The following R3HCC1L variants were observed in gnomAD, a reference collection of about 807,000 sequenced individuals.
The protein encoded by R3HCC1L is coiled-coil domain-containing protein R3HCC1L.
In R3HCC1L, 51 loss-of-function variants were observed where a neutral mutation model predicts 59.9. That is an observed-to-expected ratio of 0.85 (90% CI 0.68 to 1.07). The LOEUF is 1.07. R3HCC1L is among the 50% of genes least tolerant of loss of function. The pLI is 0.00. For synonymous variants in R3HCC1L, 322 were observed against 315.2 expected, an observed-to-expected ratio of 1.02 and a Z score of -0.23; for missense variants, 965 against 933.0, an observed-to-expected ratio of 1.03 and a Z score of -0.45.
rs572715175 is a variant in R3HCC1L, at chr10:98,157,476, C to T, written c.-213+1329C>T. On this transcript the variant is annotated intron_variant, in intron 2 of 9. Transcript: ENST00000298999. ...TTTCTTTCACAGAGGAGGAGGGGAT[C>T]TCAGGATCGCTCCTTTCACCCAGTG... Among the ~76,000 whole-genome samples, 63 of 152,352 alleles carry T rather than the reference C, an allele frequency of 4.1e-4. No individual in the cohort carries two copies. The South Asian group carries it at 0.013, about 31-fold the overall frequency.
rs1400378986 is a variant in R3HCC1L, at chr10:98,208,881, T to A, written c.767T>A (p.Ile256Lys). Residue 256 changes from isoleucine (I) to lysine (K), a missense_variant, in exon 5 of 10, where the codon ATA becomes AAA. By Grantham distance (102) the Ile-to-Lys change is moderately radical. Coordinates refer to ENST00000298999, the MANE Select transcript of R3HCC1L (RefSeq NM_001351015.2). The stretch of plus-strand genomic sequence containing the variant: ...CAAAGCATGCAAACATCAGATGGAA[T>A]ATTGAATCCCAGCAGCGGAGGCATC... ...VQQSMQTSDG[I>K]LNPSSGGITT... 1 of 1,614,134 alleles carries A rather than the reference T, an allele frequency of 6.2e-7. No homozygotes were observed. The highest frequency in any genetic ancestry group is 8.5e-7 in the Non-Finnish European group (1 of 1,180,016).
At chr10:98,151,384 A>G (rs1160268176) in intron 1 of R3HCC1L, among the ~76,000 whole-genome samples, 2 of 152,208 alleles carry the variant, frequency 1.3e-5, no homozygotes, top group African/African-American at 4.8e-5. Flanking sequence ...GGAGGTGGTG[A>G]TAATACTCTA....
chr10:98,178,047 C>A (rs995425560), intron 4 of R3HCC1L, among the ~76,000 whole-genome samples: 3 of 152,102 alleles, frequency 2.0e-5, no homozygotes, highest in East Asian at 1.9e-4. Flanking sequence ...CGTGCAGAAG[C>A]TCTTTAGTTT....
chr10:98,161,597 C>T lies in R3HCC1L; in HGVS notation c.-212-1286C>T, dbSNP rs376602523. 3.3e-5 allele frequency among the ~76,000 whole-genome samples: 5 copies of T among 152,248 alleles called. No homozygotes were observed. The South Asian group carries it at 1.0e-3, about 32-fold the overall frequency. ...GTAAATAACTCACCTGTGTTTTCTT[C>T]TAATACTTCTGTAGTTTTAGTTGTT... On this transcript the variant is annotated intron_variant, in intron 2 of 9. Coordinates refer to ENST00000298999, the MANE Select transcript of R3HCC1L (RefSeq NM_001351015.2).
chr10:98,138,173 T>G lies in R3HCC1L; in HGVS notation c.-268+3467T>G, dbSNP rs191436352. On this transcript the variant is annotated intron_variant, in intron 1 of 9. Coordinates refer to ENST00000298999, the MANE Select transcript of R3HCC1L (RefSeq NM_001351015.2). ...CAAGTGCCATGTTGACTACCAGATA[T>G]CTGCAGATTCAGATGCTTAGGAAAT... 1.5e-3 allele frequency among the ~76,000 whole-genome samples: 222 copies of G among 152,350 alleles called. 2 individuals are homozygous for G. The highest frequency in any genetic ancestry group is 4.8e-3 in the African/African-American group (201 of 41,576).
Position 98,231,644 on chromosome 10 carries a change from G to T in R3HCC1L, c.1918G>T (p.Glu640Ter), listed in dbSNP as rs772816674. ...CATTGAAATTTATGACTTTCCCCAAGAATTTCATACTGAAGACCTTCTACG... is the reference window on the plus strand; with the variant it reads ...CATTGAAATTTATGACTTTCCCCAATAATTTCATACTGAAGACCTTCTACG... Reference protein sequence around the residue: ...HVIEIYDFPQEFHTEDLLRVF... With the variant: ...HVIEIYDFPQ Residue 640 changes from glutamate to a stop codon, truncating the protein, a stop_gained, in exon 6 of 10, where the codon GAA becomes TAA. Coordinates refer to ENST00000298999, the MANE Select transcript of R3HCC1L (RefSeq NM_001351015.2). LOFTEE classifies it high-confidence loss of function. The T allele has an allele frequency of 1.9e-6, 3 of 1,612,590 alleles. No homozygotes were observed. The Admixed American group carries it at 5.0e-5, about 27-fold the overall frequency.
intron 1 of R3HCC1L, among the ~76,000 whole-genome samples, chr10:98,150,274 T>C (rs1846017933): frequency 6.6e-6 from 1 of 152,218 alleles, no homozygotes; most frequent in Non-Finnish European, 1.5e-5. Context: ...GTTCCCAAAT[T>C]GCTGTCTTGC....
In R3HCC1L at chr10:98,208,821, C is replaced by T; in HGVS notation, c.707C>T (p.Pro236Leu). 3 of 1,613,914 alleles carry T rather than the reference C, an allele frequency of 1.9e-6. No homozygotes were observed. The highest frequency in any genetic ancestry group is 3.3e-4 in the Middle Eastern group (2 of 6,058). The change falls in exon 5 of 10, where the codon CCA becomes CTA. Residue 236 changes from proline to leucine, a missense_variant. By Grantham distance (98) the Pro-to-Leu change is moderately conservative. Transcript: ENST00000298999. ...SVMKPENMIVPIKLSSDSEIV... is the reference protein window; with the variant it reads ...SVMKPENMIVLIKLSSDSEIV... ...ATGAAACCTGAGAATATGATTGTAC[C>T]AATAAAACTAAGCTCTGATTCTGAA...
Position 98,208,199 on chromosome 10 carries a change from G to T in R3HCC1L, c.85G>T (p.Val29Leu). 1 of 1,614,086 alleles carries T rather than the reference G, an allele frequency of 6.2e-7. No homozygotes were observed. Among genetic ancestry groups the T allele is most frequent in the Non-Finnish European group, 8.5e-7 (1 of 1,180,028 alleles). The change falls in exon 5 of 10, where the codon GTA becomes TTA. Residue 29 changes from valine (V) to leucine (L), a missense_variant. Val to Leu is a conservative substitution (Grantham distance 32). Coordinates refer to ENST00000298999, the MANE Select transcript of R3HCC1L (RefSeq NM_001351015.2). ...LYVPKARRGA[V>L]LLKTGDEEES... ...TGTACCTAAAGCTCGTAGGGGTGCA[G>T]TACTCCTTAAGACAGGTGATGAAGA...
intron 4 of R3HCC1L, among the ~76,000 whole-genome samples, chr10:98,206,509 ATTG>A (rs1176423307): frequency 1.3e-5 from 2 of 152,046 alleles, no homozygotes; most frequent in Non-Finnish European, 2.9e-5. Context: ...CTCAGTGTTT[ATTG>A]TTTACATCTA....
chr10:98,203,803 A>G (rs1444727297), intron 4 of R3HCC1L, among the ~76,000 whole-genome samples: 1 of 152,234 alleles, frequency 6.6e-6, no homozygotes, highest in African/African-American at 2.4e-5. Context: ...GAGCCGTGGA[A>G]ACTGTAGAAG....
intron 5 of R3HCC1L, among the ~76,000 whole-genome samples, chr10:98,224,632 C>T (rs1341919740): frequency 6.6e-6 from 1 of 152,162 alleles, no homozygotes; most frequent in African/African-American, 2.4e-5. Flanking sequence ...TTATAAATAG[C>T]AACACAGACC....
chr10:98,228,048 G>C (rs1425744095), intron 5 of R3HCC1L, among the ~76,000 whole-genome samples: 1 of 152,186 alleles, frequency 6.6e-6, no homozygotes, highest in Admixed American at 6.5e-5. Flanking sequence ...ACATATGTGT[G>C]CATGTGTCTT....
At position 98,178,316 on chromosome 10, in the gene R3HCC1L, T is replaced by G. The variant is rs575846305; in HGVS notation, c.-15+14919T>G. ...AGTTTTCCCAGCACCCTTTATTAAATAGGGAATCCTTTCCCCATTTCTTGT... is the reference window on the plus strand; with the variant it reads ...AGTTTTCCCAGCACCCTTTATTAAAGAGGGAATCCTTTCCCCATTTCTTGT... On this transcript the variant is annotated intron_variant, in intron 4 of 9. Transcript: ENST00000298999. Among the ~76,000 whole-genome samples, 4 of 152,348 alleles carry G rather than the reference T, an allele frequency of 2.6e-5. No homozygotes were observed. The East Asian group carries it at 7.7e-4, about 29-fold the overall frequency.
intron 4 of R3HCC1L, among the ~76,000 whole-genome samples, chr10:98,174,179 T>C (rs1848778969): frequency 1.3e-5 from 2 of 152,208 alleles, no homozygotes. Context: ...CATTTCTTAC[T>C]CTGTGGCCTT....
At chr10:98,160,796 C>A (rs1231826238) in intron 2 of R3HCC1L, among the ~76,000 whole-genome samples, 1 of 152,156 alleles carries the variant, frequency 6.6e-6, no homozygotes, top group Non-Finnish European at 1.5e-5. Context: ...ACACTCTAAC[C>A]TGACCTCTGT....
chr10:98,151,639 G>A (rs941342081), intron 1 of R3HCC1L, among the ~76,000 whole-genome samples: 3 of 152,254 alleles, frequency 2.0e-5, no homozygotes, highest in South Asian at 4.1e-4. Context: ...ATAGAGATAT[G>A]TTTTTTAAGA....
intron 5 of R3HCC1L, among the ~76,000 whole-genome samples, chr10:98,212,268 G>A (rs1294162049): frequency 1.3e-5 from 2 of 152,276 alleles, no homozygotes; most frequent in East Asian, 3.9e-4. Flanking sequence ...ACTTTATTAA[G>A]TGCTAAAGCA....
chr10:98,185,214 G>A (rs1362301434), intron 4 of R3HCC1L, among the ~76,000 whole-genome samples: 1 of 151,858 alleles, frequency 6.6e-6, no homozygotes, highest in African/African-American at 2.4e-5. Context: ...ATTTTTGTTT[G>A]TTCATTTATT....
Sources: gnomAD v4.1 joint callset for allele counts (sites outside exome capture counted in the v4.1 genomes callset) on GRCh38, gnomAD v4.1.1 for gene constraint, MANE v1.5 for transcripts, NCBI Gene and HGNC (gene_info 2026-07-23, HGNC 2026-07-21) for gene names.